Variants in UFD1 observed in about 807,000 individuals in gnomAD.
The protein encoded by UFD1 is ubiquitin recognition factor in ER-associated degradation protein 1.
A neutral mutation model predicts 45.9 loss-of-function variants in UFD1; 13 were observed. The observed-to-expected ratio is 0.28, with a 90% CI of 0.18 to 0.45. The LOEUF (loss-of-function observed/expected upper bound fraction) is 0.45. Ranked by LOEUF, UFD1 falls within the 20% of genes least tolerant of loss-of-function variation. The pLI, the probability that UFD1 is intolerant of heterozygous loss-of-function variation, is 1.00. For missense variants in UFD1, 218 were observed against 389.2 expected (o/e 0.56, Z 3.70); for synonymous variants, 128 against 139.2 (o/e 0.92, Z 0.56).
At chr22:19,475,713 T>C (rs1601904380) in intron 1 of UFD1, 111 bp from the exon 2 acceptor site, 5 of 1,297,348 alleles carry the variant, frequency 3.9e-6, no homozygotes, top group Non-Finnish European at 5.4e-6. Flanking sequence ...GAGAACACAA[T>C]GTACTGAAAT....
At chr22:19,474,152 G>A (rs2089864847) in intron 3 of UFD1, among the ~76,000 whole-genome samples, 1 of 152,162 alleles carries the variant, frequency 6.6e-6, no homozygotes, top group Admixed American at 6.5e-5. Flanking sequence ...CTCACTCCTG[G>A]TAAGAGGCAG....
chr22:19,476,479 A>C (rs948263472), intron 1 of UFD1, among the ~76,000 whole-genome samples: 11 of 152,156 alleles, frequency 7.2e-5, no homozygotes, highest in Admixed American at 6.5e-4. Context: ...TGCCATTAAA[A>C]AGATAAGATC....
At chr22:19,470,113 C>T (rs2089833103) in intron 4 of UFD1, 2 of 470,256 alleles carry the variant, frequency 4.3e-6, no homozygotes, top group South Asian at 3.0e-5. Context: ...CCCTTGGGGG[C>T]ACCTGCAGAC....
At chr22:19,456,111 T>C (rs1195273999) in intron 9 of UFD1, among the ~76,000 whole-genome samples, 1 of 152,226 alleles carries the variant, frequency 6.6e-6, no homozygotes. Flanking sequence ...CCCATCATTC[T>C]GCCCTCTCTG....
intron 3 of UFD1, among the ~76,000 whole-genome samples, chr22:19,472,232 G>A (rs904959474): frequency 2.0e-5 from 3 of 152,164 alleles, no homozygotes; most frequent in South Asian, 4.1e-4. Flanking sequence ...CCTAGAGGCC[G>A]AGTTCTTTAG....
At chr22:19,477,643 T>C (rs950545017) in intron 1 of UFD1, among the ~76,000 whole-genome samples, 16 of 152,126 alleles carry the variant, frequency 1.1e-4, no homozygotes, top group African/African-American at 3.9e-4. Context: ...TATTGAACTA[T>C]AGACTGAAAA....
At chr22:19,454,562 A>T in intron 11 of UFD1, 187 bp downstream of exon 11, 15 of 1,288,398 alleles carry the variant, frequency 1.2e-5, no homozygotes, top group Non-Finnish European at 1.5e-5. Context: ...AGGCCTCCCC[A>T]GCCATGTGAA....
chr22:19,476,053 G>A (rs551217829), intron 1 of UFD1, among the ~76,000 whole-genome samples: 5 of 152,222 alleles, frequency 3.3e-5, no homozygotes, highest in African/African-American at 4.8e-5. Flanking sequence ...CCCCTGTCCT[G>A]GTGAAAATGA....
Position 19,471,552 on chromosome 22 carries a change from G to C in UFD1, c.291+135C>G, listed in dbSNP as rs900475810. The C allele has an allele frequency of 2.3e-6, 3 of 1,324,040 alleles. No homozygotes were observed. The African/African-American group carries it at 4.4e-5, about 19-fold the overall frequency. The allele number at this position is 1,324,040 out of a possible 1,614,324, so 82.0% of individuals were successfully genotyped here. On this transcript the variant is annotated intron_variant, in intron 4 of 11. Transcript: ENST00000263202. ...CACTGCTCTGGATCCCTTCTCTCTC[G>C]CTGGGTCGGCTCAGGCTAAGACGCT...
intron 5 of UFD1, chr22:19,467,020 G>C (rs1445213176): frequency 6.6e-6 from 1 of 152,132 alleles, no homozygotes; most frequent in Non-Finnish European, 1.5e-5. Flanking sequence ...CCAGAACATA[G>C]GCAGCAAAGA....
chr22:19,475,151 G>A (rs756547780), intron 2 of UFD1, 51 bp from the exon 3 acceptor site: 8 of 1,553,438 alleles, frequency 5.1e-6, no homozygotes, highest in Non-Finnish European at 7.0e-6. Context: ...AAAAAGGACA[G>A]ACCAAAGGCA....
intron 1 of UFD1, 75 bp downstream of exon 1, chr22:19,479,008 C>A (rs2089922008): frequency 7.1e-7 from 1 of 1,414,978 alleles, no homozygotes; most frequent in Admixed American, 2.0e-5. Context: ...CGTCCCGCCC[C>A]GCCCTGCCCC....
chr22:19,453,817 TG>T, intron 11 of UFD1: 1 of 985,550 alleles, frequency 1.0e-6, no homozygotes, highest in South Asian at 4.7e-5. Flanking sequence ...ATGTAGCAGC[TG>T]GTCCTGAATG....
At chr22:19,459,150 G>A (rs2089745657) in intron 6 of UFD1, among the ~76,000 whole-genome samples, 1 of 152,176 alleles carries the variant, frequency 6.6e-6, no homozygotes, top group South Asian at 2.1e-4. Context: ...GTAGAACCAT[G>A]GTCAGGGACT....
intron 6 of UFD1, among the ~76,000 whole-genome samples, chr22:19,463,259 C>G (rs1261670537): frequency 6.6e-6 from 1 of 152,208 alleles, no homozygotes; most frequent in Non-Finnish European, 1.5e-5. Context: ...TATGTTCCAT[C>G]CCCTTGCTCC....
At chr22:19,459,938 T>C (rs1601891085) in intron 6 of UFD1, among the ~76,000 whole-genome samples, 1 of 151,780 alleles carries the variant, frequency 6.6e-6, no homozygotes, top group Admixed American at 6.6e-5. Context: ...GGTGTTTCAC[T>C]ATGTTGGCCA....
chr22:19,453,248 TA>T, intron 11 of UFD1: 1 of 985,478 alleles, frequency 1.0e-6, no homozygotes. Flanking sequence ...GAACTGCTTC[TA>T]GGCTTTCTAT....
chr22:19,457,109 A>G (rs1327271036), intron 7 of UFD1, 191 bp from the exon 8 acceptor site: 1 of 603,218 alleles, frequency 1.7e-6, no homozygotes, highest in African/African-American at 1.9e-5. Flanking sequence ...TGCTGCCAGG[A>G]TATCAACACT....
At chr22:19,458,874 T>C (rs978587537) in intron 6 of UFD1, among the ~76,000 whole-genome samples, 1 of 152,228 alleles carries the variant, frequency 6.6e-6, no homozygotes, top group Non-Finnish European at 1.5e-5. Flanking sequence ...CATAAACTTA[T>C]AAGTTAAAAA....
Sources: allele counts gnomAD v4.1 joint callset (sites outside exome capture counted in the v4.1 genomes callset), GRCh38; gene constraint gnomAD v4.1.1; transcripts MANE v1.5; gene names NCBI Gene and HGNC (gene_info 2026-07-23, HGNC 2026-07-21).